Variants in YWHAH observed in about 807,000 individuals in gnomAD.
YWHAH encodes 14-3-3 protein eta.
YWHAH carries 6 observed loss-of-function variants against 22.9 expected under a neutral mutation model. The observed-to-expected ratio is 0.26, with a 90% CI of 0.14 to 0.52. The LOEUF is 0.52. Ranked by LOEUF, YWHAH falls within the 20% of genes least tolerant of loss-of-function variation. The pLI, the probability that YWHAH is intolerant of heterozygous loss-of-function variation, is 0.97. For missense variants in YWHAH, 173 were observed against 308.6 expected (o/e 0.56, Z 3.29); for synonymous variants, 135 against 124.5 (o/e 1.08, Z -0.56).
At position 31,944,610 on chromosome 22, in the gene YWHAH, C is replaced by T. The variant is rs1056431354; in HGVS notation, c.-124C>T. ...CAGCCTGCAGCCTGCAGCCTCCGGC[C>T]GGCCGGCGAGCCAGTGCGCGTGCGC... On this transcript the variant is annotated 5_prime_UTR_variant, in exon 1 of 2. Coordinates refer to ENST00000248975, the MANE Select transcript of YWHAH (RefSeq NM_003405.4). The T allele has an allele frequency of 4.4e-6, 3 of 676,382 alleles. No individual in the cohort carries two copies. In the African/African-American group the frequency reaches 5.8e-5, roughly 13 times the overall value. 41.9% of individuals were successfully genotyped at this position (676,382 alleles called of 1,614,324 possible).
intron 1 of YWHAH, among the ~76,000 whole-genome samples, chr22:31,955,194 G>A (rs1448500505): frequency 6.6e-6 from 1 of 152,142 alleles, no homozygotes; most frequent in Non-Finnish European, 1.5e-5. Context: ...TCTTCATTTT[G>A]GTTTGGGAGA....
chr22:31,944,864 G>C (rs1165791150), intron 1 of YWHAH, 44 bp downstream of exon 1: 25 of 1,298,608 alleles, frequency 1.9e-5, no homozygotes, highest in Non-Finnish European at 2.4e-5. Context: ...GGGGGGCCTG[G>C]CGTTGGGGAG....
Position 31,945,779 on chromosome 22 carries a change from G to A in YWHAH, c.87+959G>A, listed in dbSNP as rs1004464716. On this transcript the variant is annotated intron_variant, in intron 1 of 1. Coordinates refer to ENST00000248975, the MANE Select transcript of YWHAH (RefSeq NM_003405.4). The stretch of plus-strand genomic sequence containing the variant: ...TGTACAACCTCCTGAGACCTGGGAG[G>A]ATCCCCTTGAACTCCGCCTTAGACC... 2.0e-5 allele frequency: 20 copies of A among 1,002,440 alleles called. No homozygotes were observed. The African/African-American group carries it at 3.4e-4, about 17-fold the overall frequency. 62.1% of individuals were successfully genotyped at this position (1,002,440 alleles called of 1,614,324 possible).
intron 1 of YWHAH, among the ~76,000 whole-genome samples, chr22:31,954,914 T>C (rs1332219425): frequency 6.6e-6 from 1 of 152,208 alleles, no homozygotes; most frequent in African/African-American, 2.4e-5. Context: ...CTTCAGCGTA[T>C]CTTTTGGCGG....
At chr22:31,947,705 TTTCTAGGCTAGGCAA>T (rs1346486973) in intron 1 of YWHAH, among the ~76,000 whole-genome samples, 3 of 152,216 alleles carry the variant, frequency 2.0e-5, no homozygotes, top group Non-Finnish European at 2.9e-5. Context: ...ACCTAAGTCC[TTTCTAGGCTAGGCAA>T]TTCTAGGCTA....
At chr22:31,946,744 G>T (rs2093835395) in intron 1 of YWHAH, among the ~76,000 whole-genome samples, 1 of 152,242 alleles carries the variant, frequency 6.6e-6, no homozygotes, top group African/African-American at 2.4e-5. Flanking sequence ...AAAAAGACTG[G>T]CTTTCTAGTA....
chr22:31,945,499 G>C (rs116031558), intron 1 of YWHAH: 1 of 1,304,080 alleles, frequency 7.7e-7, no homozygotes, highest in Admixed American at 2.3e-5. Flanking sequence ...GTGACTTCTA[G>C]GTGAGACGAA....
At chr22:31,955,240 C>T (rs939685844) in intron 1 of YWHAH, among the ~76,000 whole-genome samples, 3 of 152,074 alleles carry the variant, frequency 2.0e-5, no homozygotes, top group Non-Finnish European at 4.4e-5. Flanking sequence ...CATGTGTAGC[C>T]ACACAGGGCG....
In YWHAH at chr22:31,944,653, C is replaced by A; in HGVS notation, c.-81C>A. 2 of 1,111,220 alleles carry A rather than the reference C, an allele frequency of 1.8e-6. No individual in the cohort carries two copies. The highest frequency in any genetic ancestry group is 2.2e-6 in the Non-Finnish European group (2 of 892,826). The allele number at this position is 1,111,220 out of a possible 1,614,324, so 68.8% of individuals were successfully genotyped here. On this transcript the variant is annotated 5_prime_UTR_variant, in exon 1 of 2. Transcript: ENST00000248975. ...GCGTGCGCGGCGGCGGCCTCCGCAG[C>A]GACCGGGGAGCGGACTGACCGGCGG... is the stretch of plus-strand genomic sequence containing the variant.
rs754319923 is a variant in YWHAH, at chr22:31,956,844, C to T, written c.*52C>T. ...CTTCACCCACCACCCCCATCATCAC[C>T]GATTCTTCCTTGCCACAATCACTAA... On this transcript the variant is annotated 3_prime_UTR_variant, in exon 2 of 2. Coordinates refer to ENST00000248975, the MANE Select transcript of YWHAH (RefSeq NM_003405.4). The surrounding 1 kb of genome is among the most constrained non-coding windows in gnomAD (Gnocchi z 5.1). The T allele has an allele frequency of 2.2e-4, 329 of 1,501,030 alleles. No homozygotes were observed. The highest frequency in any genetic ancestry group is 2.6e-4 in the Non-Finnish European group (291 of 1,124,798). 93.0% of individuals were successfully genotyped at this position (1,501,030 alleles called of 1,614,324 possible). A position where few individuals can be genotyped will look rare whatever the true frequency, so the allele number is the denominator to read the frequency against.
Position 31,944,599 on chromosome 22 carries a change from CAGCCT to C in YWHAH, c.-134_-130del. The C allele has an allele frequency of 1.8e-6, 1 of 547,854 alleles. No individual in the cohort carries two copies. Among genetic ancestry groups the C allele is most frequent in the Non-Finnish European group, 2.5e-6 (1 of 401,422 alleles). 33.9% of individuals were successfully genotyped at this position (547,854 alleles called of 1,614,324 possible). A position where few individuals can be genotyped will look rare whatever the true frequency, so the allele number is the denominator to read the frequency against. On this transcript the variant is annotated 5_prime_UTR_variant, in exon 1 of 2. Transcript: ENST00000248975. ...GGCGCTGCCTGCAGCCTGCAGCCTG[CAGCCT>C]CCGGCCGGCCGGCGAGCCAGTGCGC...
chr22:31,954,000 T>C (rs888577409), intron 1 of YWHAH, among the ~76,000 whole-genome samples: 1 of 152,140 alleles, frequency 6.6e-6, no homozygotes, highest in Admixed American at 6.6e-5. Context: ...CGTTTTCTGA[T>C]TTTTACCTGT....
chr22:31,948,870 T>C (rs1266527460), intron 1 of YWHAH, among the ~76,000 whole-genome samples: 1 of 152,224 alleles, frequency 6.6e-6, no homozygotes, highest in Admixed American at 6.5e-5. Context: ...TTTCTTGCAC[T>C]GAAATAGAAA....
At position 31,956,492 on chromosome 22, in the gene YWHAH, C is replaced by G. The variant is rs924430379; in HGVS notation, c.441C>G (p.Val147=). 4 of 1,614,080 alleles carry G rather than the reference C, an allele frequency of 2.5e-6. No individual in the cohort carries two copies. The highest frequency in any genetic ancestry group is 4.5e-5 in the East Asian group (2 of 44,878). ...VASGEKKNSV[V]EASEAAYKEA... Reference sequence around the variant, plus strand: ...CTGGGGAGAAGAAAAACAGTGTGGTCGAAGCTTCTGAAGCTGCCTACAAGG... The same window carrying G: ...CTGGGGAGAAGAAAAACAGTGTGGTGGAAGCTTCTGAAGCTGCCTACAAGG... Residue 147 remains valine (V), a synonymous_variant, in exon 2 of 2, where the codon GTC becomes GTG. Transcript: ENST00000248975. This position sits in a 1 kb window ranked among gnomAD's most constrained non-coding sequence, Gnocchi z 5.1.
rs34145379 is a variant in YWHAH at position 31,957,404 on chromosome 22, C to CTT, written c.*625_*626dup. ...CATCTGAAAGTTTTGATACTTGTAACTTTTTTTTTTTTTTGGTTGCAATTG... is the reference window on the plus strand; with the variant it reads ...CATCTGAAAGTTTTGATACTTGTAACTTTTTTTTTTTTTTTTGGTTGCAATTG... On this transcript the variant is annotated 3_prime_UTR_variant, in exon 2 of 2. Coordinates refer to ENST00000248975, the MANE Select transcript of YWHAH (RefSeq NM_003405.4). The CTT allele has an allele frequency of 1.0e-3, 151 of 145,488 alleles. No homozygotes were observed. Among genetic ancestry groups the CTT allele is most frequent in the African/African-American group, 2.0e-3 (79 of 39,534 alleles). The allele number at this position is 145,488 out of a possible 1,614,324, so 9.0% of individuals were successfully genotyped here. A position where few individuals can be genotyped will look rare whatever the true frequency, so the allele number is the denominator to read the frequency against.
intron 1 of YWHAH, 152 bp downstream of exon 1, chr22:31,944,972 C>A: frequency 8.9e-7 from 1 of 1,120,730 alleles, no homozygotes; most frequent in Non-Finnish European, 1.1e-6. Context: ...CCGCGCTTCC[C>A]GCTCCCGCTG....
chr22:31,947,022 G>A (rs572690982), intron 1 of YWHAH, among the ~76,000 whole-genome samples: 131 of 152,320 alleles, frequency 8.6e-4, no homozygotes, highest in Middle Eastern at 3.4e-3. Context: ...AGAATATATT[G>A]GAAGGGACTG....
At chr22:31,945,191 C>A in intron 1 of YWHAH, 1 of 1,113,170 alleles carries the variant, frequency 9.0e-7, no homozygotes, top group Non-Finnish European at 1.1e-6. Flanking sequence ...GGGGCTCCCC[C>A]TCTCGTCTTC....
intron 1 of YWHAH, among the ~76,000 whole-genome samples, chr22:31,951,258 T>C (rs1603052712): frequency 6.6e-6 from 1 of 152,242 alleles, no homozygotes; most frequent in Non-Finnish European, 1.5e-5. Context: ...CACACACTTC[T>C]GCCAAAGAAG....
Sources: gnomAD v4.1 joint callset for allele counts (sites outside exome capture counted in the v4.1 genomes callset) on GRCh38, gnomAD v4.1.1 for gene constraint, Gnocchi (gnomAD v3.1) non-coding constraint, MANE v1.5 for transcripts, NCBI Gene and HGNC (gene_info 2026-07-23, HGNC 2026-07-21) for gene names.